GAL3ST2: variants seen among roughly 807,000 people sequenced by gnomAD.
The protein encoded by GAL3ST2 is beta-galactose-3-O-sulfotransferase 2.
A neutral mutation model predicts 12.9 loss-of-function variants in GAL3ST2; 16 were observed. The ratio of observed to expected loss-of-function variants is 1.24; its 90% CI spans 0.84 to 1.88. GAL3ST2 has a LOEUF of 1.88. Among genes scored for constraint, GAL3ST2 ranks in the 40% most tolerant of loss-of-function variants. The pLI is 0.00. For synonymous variants in GAL3ST2, 302 were observed against 273.9 expected (o/e 1.10, Z -1.01); for missense variants, 639 against 571.8 (o/e 1.12, Z -1.20).
rs906029057 is a variant in GAL3ST2 at position 241,801,095 on chromosome 2, T to G, written c.120-686T>G. The G allele has an allele frequency of 1.3e-5, 2 of 152,376 alleles. No homozygotes were observed. Among genetic ancestry groups the G allele is most frequent in the Non-Finnish European group, 2.9e-5 (2 of 68,204 alleles). The allele number at this position is 152,376 out of a possible 1,614,324, so 9.4% of individuals were successfully genotyped here. On this transcript the variant is annotated intron_variant, in intron 2 of 3. Transcript: ENST00000192314. The surrounding 1 kb of genome is among the most constrained non-coding windows in gnomAD (Gnocchi z 4.4). ...CCCCGCATGCATTAGGTATTTGTCC[T>G]AATGCTTTCCTTCCCCTTACACCCC...
intron 2 of GAL3ST2, among the ~76,000 whole-genome samples, chr2:241,799,949 C>G (rs573188749): frequency 1.3e-5 from 2 of 152,202 alleles, no homozygotes; most frequent in African/African-American, 2.4e-5. Flanking sequence ...TACATCTGGC[C>G]GCTGGTCTCG....
chr2:241,793,474 A>T lies in GAL3ST2; in HGVS notation c.30-5591A>T, dbSNP rs1284414657. On this transcript the variant is annotated intron_variant, in intron 1 of 3. Coordinates refer to ENST00000192314, the MANE Select transcript of GAL3ST2 (RefSeq NM_022134.3). This position sits in a 1 kb window ranked among gnomAD's most constrained non-coding sequence, Gnocchi z 4.7. Reference sequence around the variant, plus strand: ...TGTGTATGCGTGTGTATGTGTATGCATGTGTATTATATGTACATATTGTGT... The same window carrying T: ...TGTGTATGCGTGTGTATGTGTATGCTTGTGTATTATATGTACATATTGTGT... Among the ~76,000 whole-genome samples, 1 of 151,678 alleles carries T rather than the reference A, an allele frequency of 6.6e-6. No homozygotes were observed. The highest frequency in any genetic ancestry group is 1.9e-4 in the East Asian group (1 of 5,160).
At position 241,802,326 on chromosome 2, in the gene GAL3ST2, G is replaced by A. The variant is rs754089150; in HGVS notation, c.375+290G>A. Among the ~76,000 whole-genome samples, 2 of 152,198 alleles carry A rather than the reference G, an allele frequency of 1.3e-5. No individual in the cohort carries two copies. The highest frequency in any genetic ancestry group is 2.9e-5 in the Non-Finnish European group (2 of 68,034). ...TCTCTGGCCTCCTAGTTGTGCACAG[G>A]CCCGGCTCTCCCCACCCTGTGACCT... On this transcript the variant is annotated intron_variant, in intron 3 of 3. Coordinates refer to ENST00000192314, the MANE Select transcript of GAL3ST2 (RefSeq NM_022134.3). This position sits in a 1 kb window ranked among gnomAD's most constrained non-coding sequence, Gnocchi z 4.8.
intron 1 of GAL3ST2, 145 bp downstream of exon 1, chr2:241,777,129 C>T: frequency 1.3e-6 from 1 of 747,626 alleles, no homozygotes; most frequent in Non-Finnish European, 1.9e-6. Context: ...TCCCTGAATT[C>T]ACCTGTCTTG....
intron 1 of GAL3ST2, among the ~76,000 whole-genome samples, chr2:241,777,265 G>A (rs755347686): frequency 6.6e-6 from 1 of 152,194 alleles, no homozygotes; most frequent in Admixed American, 6.5e-5. Context: ...GGAGACGCTC[G>A]AGTGTCCGCG....
intron 1 of GAL3ST2, among the ~76,000 whole-genome samples, chr2:241,783,958 C>T (rs1490534293): frequency 6.6e-6 from 1 of 152,178 alleles, no homozygotes; most frequent in Non-Finnish European, 1.5e-5. Context: ...CTGTCTAAAG[C>T]CACAGGATTA....
intron 1 of GAL3ST2, among the ~76,000 whole-genome samples, chr2:241,779,603 G>A (rs1452968270): frequency 6.6e-6 from 1 of 151,784 alleles, no homozygotes; most frequent in Non-Finnish European, 1.5e-5. Flanking sequence ...GAAGGAAGGA[G>A]AAAAACAACA....
intron 1 of GAL3ST2, among the ~76,000 whole-genome samples, chr2:241,796,492 C>CTGCTCAG (rs1559416678): frequency 2.6e-5 from 4 of 152,036 alleles, no homozygotes; most frequent in Non-Finnish European, 5.9e-5. Context: ...CGTATCAGGG[C>CTGCTCAG]TCTGCTCAGT....
chr2:241,797,852 C>A (rs1158980121), intron 1 of GAL3ST2, among the ~76,000 whole-genome samples: 1 of 152,194 alleles, frequency 6.6e-6, no homozygotes. Context: ...TCCTATGTAC[C>A]CTGTAAAGCC....
At chr2:241,789,066 C>T (rs1318385391) in intron 1 of GAL3ST2, among the ~76,000 whole-genome samples, 1 of 152,204 alleles carries the variant, frequency 6.6e-6, no homozygotes, top group Admixed American at 6.5e-5. Context: ...TCTTTGTGCA[C>T]ATTTACATTA....
intron 1 of GAL3ST2, among the ~76,000 whole-genome samples, chr2:241,789,677 T>C (rs1310239580): frequency 6.6e-6 from 1 of 151,730 alleles, no homozygotes; most frequent in Admixed American, 6.6e-5. Flanking sequence ...AGGTTAGGAG[T>C]TCAAGACCAG....
chr2:241,801,487 A>T lies in GAL3ST2; in HGVS notation c.120-294A>T. Reference sequence around the variant, plus strand: ...AGGTGGGTCTGGGGTCCCCTTGGCCAAGATGGGGTTCATTTAGGGTTTTAT... The same window carrying T: ...AGGTGGGTCTGGGGTCCCCTTGGCCTAGATGGGGTTCATTTAGGGTTTTAT... On this transcript the variant is annotated intron_variant, in intron 2 of 3. Coordinates refer to ENST00000192314, the MANE Select transcript of GAL3ST2 (RefSeq NM_022134.3). The surrounding 1 kb of genome is among the most constrained non-coding windows in gnomAD (Gnocchi z 4.4). 2.1e-6 allele frequency: 1 copy of T among 485,490 alleles called. No individual in the cohort carries two copies. Among genetic ancestry groups the T allele is most frequent in the Non-Finnish European group, 3.7e-6 (1 of 272,604 alleles). The allele number at this position is 485,490 out of a possible 1,614,324, so 30.1% of individuals were successfully genotyped here.
chr2:241,804,040 C>G lies in GAL3ST2; in HGVS notation c.1071C>G (p.Gly357=). ...ADILGYNLRP[G]LDNQTLGVCQ... ...TCCTGGGTTACAACCTCCGGCCGGG[C>G]CTGGACAACCAGACGCTGGGCGTGT... The change falls in exon 4 of 4, where the codon GGC becomes GGG. Residue 357 remains glycine (G), a synonymous_variant. Transcript: ENST00000192314. 3 of 1,562,942 alleles carry G rather than the reference C, an allele frequency of 1.9e-6. No homozygotes were observed. The highest frequency in any genetic ancestry group is 2.6e-6 in the Non-Finnish European group (3 of 1,156,092).
intron 1 of GAL3ST2, among the ~76,000 whole-genome samples, chr2:241,783,155 C>T (rs1231036116): frequency 2.0e-5 from 3 of 151,258 alleles, no homozygotes; most frequent in South Asian, 4.2e-4. Context: ...AAAAAACCCA[C>T]ACAAAAAAAG....
At chr2:241,785,544 C>T (rs994870191) in intron 1 of GAL3ST2, among the ~76,000 whole-genome samples, 1 of 140,850 alleles carries the variant, frequency 7.1e-6, no homozygotes, top group Non-Finnish European at 1.5e-5. Flanking sequence ...AAAGATGAAA[C>T]TCCGTCTCAA....
At position 241,784,878 on chromosome 2, in the gene GAL3ST2, T is replaced by C. The variant is rs545524627; in HGVS notation, c.29+7894T>C. On this transcript the variant is annotated intron_variant, in intron 1 of 3. Transcript: ENST00000192314. ...CTCTGGTGAAAATCAAATAGCAAAATTTACAACATATGATATGGAGAGAAC... is the reference window on the plus strand; with the variant it reads ...CTCTGGTGAAAATCAAATAGCAAAACTTACAACATATGATATGGAGAGAAC... Among the ~76,000 whole-genome samples, 336 of 152,262 alleles carry C rather than the reference T, an allele frequency of 2.2e-3. 1 individual carries two copies. Among genetic ancestry groups the C allele is most frequent in the African/African-American group, 7.6e-3 (315 of 41,540 alleles).
chr2:241,791,193 G>T (rs966408969), intron 1 of GAL3ST2, among the ~76,000 whole-genome samples: 3 of 152,182 alleles, frequency 2.0e-5, no homozygotes, highest in African/African-American at 7.2e-5. Context: ...GCTCAGAATA[G>T]ATCTCTGCAA....
rs1699823463 is a variant in GAL3ST2, at chr2:241,800,179, T to C, written c.119+1025T>C. ...GGGGCTGAGGGTCTCTAGGTTGGGG[T>C]GCAGTGATGGGTCTGGTGGGGGTTC... is the stretch of plus-strand genomic sequence containing the variant. On this transcript the variant is annotated intron_variant, in intron 2 of 3. Transcript: ENST00000192314. This position sits in a 1 kb window ranked among gnomAD's most constrained non-coding sequence, Gnocchi z 5.2. Among the ~76,000 whole-genome samples, 3 of 151,884 alleles carry C rather than the reference T, an allele frequency of 2.0e-5. No individual in the cohort carries two copies. The South Asian group carries it at 6.3e-4, about 32-fold the overall frequency.
chr2:241,801,632 C>T lies in GAL3ST2; in HGVS notation c.120-149C>T, dbSNP rs902247523. On this transcript the variant is annotated intron_variant, in intron 2 of 3. Coordinates refer to ENST00000192314, the MANE Select transcript of GAL3ST2 (RefSeq NM_022134.3). The surrounding 1 kb of genome is among the most constrained non-coding windows in gnomAD (Gnocchi z 4.4). ...TGGGGCAAGGATTGGGGCCATGGGT[C>T]GGTGCCTACCCAGTTGGCCCCCTGG... 3.7e-5 allele frequency: 37 copies of T among 987,064 alleles called. No individual in the cohort carries two copies. The highest frequency in any genetic ancestry group is 3.3e-4 in the Middle Eastern group (1 of 3,040). The allele number at this position is 987,064 out of a possible 1,614,324, so 61.1% of individuals were successfully genotyped here.
Sources: gnomAD v4.1 joint callset for allele counts (sites outside exome capture counted in the v4.1 genomes callset) on GRCh38, gnomAD v4.1.1 for gene constraint, Gnocchi (gnomAD v3.1) non-coding constraint, MANE v1.5 for transcripts, NCBI Gene and HGNC (gene_info 2026-07-23, HGNC 2026-07-21) for gene names.